Variants in VPS41 observed in about 807,000 individuals in gnomAD.
VPS41 encodes the protein VPS41 subunit of HOPS complex, also known as vacuolar protein sorting-associated protein 41 homolog.
In VPS41, 85 loss-of-function variants were observed where a neutral mutation model predicts 130.9. The observed-to-expected ratio is 0.65, with a 90% CI of 0.55 to 0.78. VPS41 has a LOEUF of 0.78. Among genes scored for constraint, VPS41 ranks in the 30% least tolerant of loss-of-function variants. VPS41 has a pLI of 0.00. For missense variants in VPS41, 874 were observed against 1,018.7 expected (o/e 0.86, Z 1.93); for synonymous variants, 335 against 332.9 (o/e 1.01, Z -0.07).
chr7:38,792,274 C>T (rs1173720821), intron 9 of VPS41, among the ~76,000 whole-genome samples: 1 of 152,120 alleles, frequency 6.6e-6, no homozygotes, highest in Non-Finnish European at 1.5e-5. Flanking sequence ...CTGTAAGAGC[C>T]CTTTACCACT....
chr7:38,870,733 T>A (rs78365452), intron 2 of VPS41, among the ~76,000 whole-genome samples: 1 of 91,426 alleles, frequency 1.1e-5, no homozygotes, highest in Non-Finnish European at 1.9e-5. Context: ...ACTATGACTA[T>A]ATGTTCAAAA....
At chr7:38,907,952 A>G (rs9638945) in intron 1 of VPS41, among the ~76,000 whole-genome samples, 141,163 of 152,270 alleles carry the variant, frequency 0.93, 65,548 homozygotes, top group East Asian at 1. Flanking sequence ...GAATGGAAAT[A>G]GGAGTCTCTA....
chr7:38,765,403 TA>T (rs1042688852), intron 16 of VPS41, among the ~76,000 whole-genome samples, 176 bp downstream of exon 16: 12 of 18,950 alleles, frequency 6.3e-4, no homozygotes, highest in African/African-American at 5.2e-3. Context: ...TAATCTTATA[TA>T]TTTTTTTTTA....
chr7:38,903,218 T>C (rs58421990), intron 1 of VPS41, among the ~76,000 whole-genome samples: 2,534 of 152,262 alleles, frequency 0.017, 69 homozygotes, highest in African/African-American at 0.056. Flanking sequence ...ACTTCTCTCA[T>C]ACAGGCTTTC....
At position 38,752,182 on chromosome 7, in the gene VPS41, A is replaced by G; in HGVS notation, c.1920T>C (p.Leu640=). Residue 640 remains leucine, a synonymous_variant, in exon 22 of 29, where the codon CTT becomes CTC. Coordinates refer to ENST00000310301, the MANE Select transcript of VPS41 (RefSeq NM_014396.4). ...PFLRDSTHCP[L]EKALEICQQR... is the part of the protein sequence containing the mutation. ...CGGGGAGTCTGTGCCTTACCTTTTC[A>G]AGTGGGCAATGGGTACTGTCTCGGA... is the stretch of plus-strand genomic sequence containing the variant. 6.2e-7 allele frequency: 1 copy of G among 1,613,798 alleles called. No individual in the cohort carries two copies. The highest frequency in any genetic ancestry group is 1.1e-5 in the South Asian group (1 of 91,064).
intron 1 of VPS41, among the ~76,000 whole-genome samples, chr7:38,901,294 C>T (rs1415765745): frequency 1.3e-5 from 2 of 152,082 alleles, no homozygotes; most frequent in Non-Finnish European, 2.9e-5. Context: ...TGTCTTAGTA[C>T]ATTTGTGTTG....
At chr7:38,833,776 A>C (rs1208044157) in intron 4 of VPS41, among the ~76,000 whole-genome samples, 1 of 152,198 alleles carries the variant, frequency 6.6e-6, no homozygotes, top group Non-Finnish European at 1.5e-5. Flanking sequence ...CCAATTCAAC[A>C]TAAATTCTTG....
intron 4 of VPS41, among the ~76,000 whole-genome samples, chr7:38,849,236 G>C (rs1307756525): frequency 6.6e-6 from 1 of 152,124 alleles, no homozygotes; most frequent in Non-Finnish European, 1.5e-5. Context: ...AGATGGGTGG[G>C]CTGTGGTGCT....
At chr7:38,901,346 A>T (rs892812325) in intron 1 of VPS41, among the ~76,000 whole-genome samples, 1 of 152,210 alleles carries the variant, frequency 6.6e-6, no homozygotes, top group African/African-American at 2.4e-5. Flanking sequence ...ATTTATAAAG[A>T]AAAGAGCGTT....
intron 4 of VPS41, among the ~76,000 whole-genome samples, chr7:38,853,195 G>T (rs371145147): frequency 1.3e-5 from 2 of 151,996 alleles, no homozygotes; most frequent in African/African-American, 4.8e-5. Context: ...CGAGGTGGGC[G>T]GATCACAAGA....
intron 1 of VPS41, 37 bp downstream of exon 1, chr7:38,909,117 T>C (rs759944645): frequency 1.9e-6 from 3 of 1,611,516 alleles, no homozygotes; most frequent in African/African-American, 2.7e-5. Context: ...CTAGTCTCTA[T>C]ATCCCTGTGC....
intron 9 of VPS41, among the ~76,000 whole-genome samples, chr7:38,793,916 T>C (rs958537483): frequency 6.6e-6 from 1 of 152,186 alleles, no homozygotes; most frequent in African/African-American, 2.4e-5. Context: ...TAATTCCCCA[T>C]CTCAAGATCC....
At chr7:38,853,627 C>T (rs577719234) in intron 4 of VPS41, among the ~76,000 whole-genome samples, 1 of 84,190 alleles carries the variant, frequency 1.2e-5, no homozygotes, top group African/African-American at 4.9e-5. Context: ...GGCCTTGAAC[C>T]CCAAAGAAAG....
At chr7:38,837,684 T>C (rs956327759) in intron 4 of VPS41, among the ~76,000 whole-genome samples, 1 of 152,236 alleles carries the variant, frequency 6.6e-6, no homozygotes, top group African/African-American at 2.4e-5. Context: ...AGGAGAACTG[T>C]GCTCTCAAAT....
At chr7:38,848,496 A>C (rs1440928290) in intron 4 of VPS41, among the ~76,000 whole-genome samples, 9 of 152,220 alleles carry the variant, frequency 5.9e-5, no homozygotes, top group Admixed American at 5.9e-4. Context: ...AAATTCAAAA[A>C]TAATAGTTCT....
chr7:38,836,250 G>T, intron 4 of VPS41, among the ~76,000 whole-genome samples: 1 of 150,998 alleles, frequency 6.6e-6, no homozygotes, highest in Non-Finnish European at 1.5e-5. Context: ...TATCTTATTC[G>T]CAATTACCTT....
intron 5 of VPS41, among the ~76,000 whole-genome samples, chr7:38,824,410 T>C (rs949503858): frequency 1.3e-5 from 2 of 152,220 alleles, no homozygotes; most frequent in Admixed American, 1.3e-4. Context: ...GTTCCTCATT[T>C]GGTCCTCATA....
At chr7:38,898,029 C>T (rs1365647364) in intron 2 of VPS41, 62 bp downstream of exon 2, 34 of 1,484,336 alleles carry the variant, frequency 2.3e-5, no homozygotes, top group Middle Eastern at 3.5e-4. Context: ...AGCAAAGAAG[C>T]GCAACTCAAG....
At chr7:38,872,604 AG>A (rs1786394490) in intron 2 of VPS41, among the ~76,000 whole-genome samples, 2 of 152,240 alleles carry the variant, frequency 1.3e-5, no homozygotes, top group African/African-American at 4.8e-5. Context: ...AAGAACTAAT[AG>A]CAACAAAAGG....
Sources: gnomAD v4.1 joint callset for allele counts (sites outside exome capture counted in the v4.1 genomes callset) on GRCh38, gnomAD v4.1.1 for gene constraint, MANE v1.5 for transcripts, NCBI Gene and HGNC (gene_info 2026-07-23, HGNC 2026-07-21) for gene names.